The following SLITRK4 variants were observed in gnomAD, a reference collection of about 807,000 sequenced individuals.
SLITRK4 encodes the protein SLIT and NTRK-like protein 4.
A neutral mutation model predicts 34.7 loss-of-function variants in SLITRK4; 7 were observed. That is an observed-to-expected ratio of 0.20 (90% CI 0.11 to 0.38). The LOEUF is 0.38. SLITRK4 is among the 10% of genes least tolerant of loss of function. The pLI is 1.00. For missense variants in SLITRK4, 474 were observed against 607.0 expected (o/e 0.78, Z 2.30); for synonymous variants, 237 against 246.2 (o/e 0.96, Z 0.35).
Position 143,628,846 on chromosome X carries a change from A to T in SLITRK4, c.2263T>A (p.Ser755Thr). 1 of 1,211,211 alleles carries T rather than the reference A, an allele frequency of 8.3e-7. No homozygotes were observed. The highest frequency in any genetic ancestry group is 1.1e-6 in the Non-Finnish European group (1 of 895,182). ...AGAAAATTCTGAATAAACACATTGG[A>T]ATCCCTGCTAGGGAATAATTCATCC... ...ELDELFPSRD[S>T]NVFIQNFLES... Residue 755 changes from serine (S) to threonine (T), a missense_variant, in exon 2 of 2, where the codon TCC becomes ACC. Ser to Thr is a moderately conservative substitution (Grantham distance 58). Coordinates refer to ENST00000356928, the MANE Select transcript of SLITRK4 (RefSeq NM_001184749.3).
In SLITRK4 at chrX:143,627,335, G is replaced by A. The variant is rs1259349873; in HGVS notation, c.*1260C>T. On this transcript the variant is annotated 3_prime_UTR_variant, in exon 2 of 2. Transcript: ENST00000356928. ...TAGAATCCTGAAAAGCAAGACAACC[G>A]ATGGCAAATAACAACTGCCCCAGAC... 2 of 110,216 alleles carry A rather than the reference G, an allele frequency of 1.8e-5. No individual in the cohort carries two copies. The highest frequency in any genetic ancestry group is 3.8e-5 in the Non-Finnish European group (2 of 52,697). The allele number at this position is 110,216 out of a possible 1,213,427, so 9.1% of individuals were successfully genotyped here. A position where few individuals can be genotyped will look rare whatever the true frequency, so the allele number is the denominator to read the frequency against.
rs782758951 is a variant in SLITRK4 at position 143,631,007 on chromosome X, T to G, written c.102A>C (p.Ser34=). 1 of 1,210,576 alleles carries G rather than the reference T, an allele frequency of 8.3e-7. No homozygotes were observed. The highest frequency in any genetic ancestry group is 1.8e-5 in the South Asian group (1 of 56,428). ...VEICNVCSCV[S]VENVLYVNCE... Reference sequence around the variant, plus strand: ...AGTTGACATAGAGCACATTCTCAACTGACACGCAGGAACACACATTGCAAA... The same window carrying G: ...AGTTGACATAGAGCACATTCTCAACGGACACGCAGGAACACACATTGCAAA... The change falls in exon 2 of 2, where the codon TCA becomes TCC. Residue 34 remains serine, a synonymous_variant. Transcript: ENST00000356928.
rs1556425227 is a variant in SLITRK4 at position 143,625,174 on chromosome X, T to G, written c.*3421A>C. On this transcript the variant is annotated 3_prime_UTR_variant, in exon 2 of 2. Transcript: ENST00000356928. ...TGTATAATTTATGCATCCTTATGGC[T>G]TAAAGAAAAGTAAATGTTTAAAAAA... The G allele has an allele frequency of 9.0e-6, 1 of 111,271 alleles. No individual in the cohort carries two copies. Among genetic ancestry groups the G allele is most frequent in the African/African-American group, 3.2e-5 (1 of 30,794 alleles). 9.2% of individuals were successfully genotyped at this position (111,271 alleles called of 1,213,427 possible). A position where few individuals can be genotyped will look rare whatever the true frequency, so the allele number is the denominator to read the frequency against.
intron 1 of SLITRK4, among the ~76,000 whole-genome samples, chrX:143,634,080 G>A (rs1556430190): frequency 1.8e-5 from 2 of 112,407 alleles, no homozygotes; most frequent in Non-Finnish European, 3.8e-5. Context: ...GAGGAAGAGA[G>A]GCCAGATCAG....
Position 143,629,250 on chromosome X carries a change from A to G in SLITRK4, c.1859T>C (p.Leu620Ser), listed in dbSNP as rs1556426462. 1 of 1,212,117 alleles carries G rather than the reference A, an allele frequency of 8.3e-7. No homozygotes were observed. The highest frequency in any genetic ancestry group is 2.2e-5 in the Admixed American group (1 of 46,077). The change falls in exon 2 of 2, where the codon TTA becomes TCA. Residue 620 changes from leucine (L) to serine (S), a missense_variant. This residue lies in a region of SLITRK4 where 345 missense variants were observed against 406.5 expected (regional missense o/e 0.85). Transcript: ENST00000356928. ...PPGGPVPLSI[L>S]ILSILVVLIL... Reference sequence around the variant, plus strand: ...GAGGACCACTAAGATACTTAAGATTAAAATAGACAGAGGCACTGGCCCACC... The same window carrying G: ...GAGGACCACTAAGATACTTAAGATTGAAATAGACAGAGGCACTGGCCCACC...
intron 1 of SLITRK4, among the ~76,000 whole-genome samples, chrX:143,633,864 C>T (rs1416880121): frequency 8.9e-6 from 1 of 112,735 alleles, no homozygotes; most frequent in South Asian, 3.6e-4. Context: ...CATCCCTGTT[C>T]CCGGAGCCGG....
At position 143,627,767 on chromosome X, in the gene SLITRK4, C is replaced by T. The variant is rs1930843271; in HGVS notation, c.*828G>A. The T allele has an allele frequency of 9.0e-6, 1 of 111,478 alleles. No individual in the cohort carries two copies. Among genetic ancestry groups the T allele is most frequent in the African/African-American group, 3.3e-5 (1 of 30,566 alleles). The allele number at this position is 111,478 out of a possible 1,213,427, so 9.2% of individuals were successfully genotyped here. A position where few individuals can be genotyped will look rare whatever the true frequency, so the allele number is the denominator to read the frequency against. The stretch of plus-strand genomic sequence containing the variant: ...TAAGCACTCTGCTTATTTTGGACAA[C>T]CTTGAAGGATTGTGGGTGTTTCACG... On this transcript the variant is annotated 3_prime_UTR_variant, in exon 2 of 2. Transcript: ENST00000356928.
chrX:143,628,794 A>G lies in SLITRK4; in HGVS notation c.2315T>C (p.Ile772Thr). The G allele has an allele frequency of 1.7e-6, 2 of 1,210,729 alleles. No homozygotes were observed. Among genetic ancestry groups the G allele is most frequent in the East Asian group, 3.0e-5 (1 of 33,825 alleles). The change falls in exon 2 of 2, where the codon ATA (isoleucine) becomes ACA (threonine). Residue 772 changes from isoleucine (I) to threonine (T), a missense_variant. By Grantham distance (89) the Ile-to-Thr change is moderately conservative (BLOSUM62 -1). This residue lies in a region of SLITRK4 where 345 missense variants were observed against 406.5 expected (regional missense o/e 0.85). Transcript: ENST00000356928. The stretch of plus-strand genomic sequence containing the variant: ...GCGGATCTCAAAGCCACTGACACCT[A>G]TGCTATTATACTCCTTTTTGCTTTC... Reference protein sequence around the residue: ...FLESKKEYNSIGVSGFEIRYP... With the variant: ...FLESKKEYNSTGVSGFEIRYP...
rs1471520357 is a variant in SLITRK4, at chrX:143,623,207, T to C, written c.*5388A>G. On this transcript the variant is annotated 3_prime_UTR_variant, in exon 2 of 2. Coordinates refer to ENST00000356928, the MANE Select transcript of SLITRK4 (RefSeq NM_001184749.3). ...AGGTAATTTGTCATTTTTGATGTTA[T>C]TGAAATCACCAGAATTTCTATTTCT... 5.4e-5 allele frequency: 6 copies of C among 111,399 alleles called. No individual in the cohort carries two copies. The highest frequency in any genetic ancestry group is 9.6e-5 in the Admixed American group (1 of 10,401). 9.2% of individuals were successfully genotyped at this position (111,399 alleles called of 1,213,427 possible). A position where few individuals can be genotyped will look rare whatever the true frequency, so the allele number is the denominator to read the frequency against.
Position 143,630,944 on chromosome X carries a change from T to G in SLITRK4, c.165A>C (p.Lys55Asn). 8.3e-7 allele frequency: 1 copy of G among 1,208,189 alleles called. No homozygotes were observed. Among genetic ancestry groups the G allele is most frequent in the African/African-American group, 1.7e-5 (1 of 57,560 alleles). The stretch of plus-strand genomic sequence containing the variant: ...GGTGATAAAAATTAGACCAAGGTGG[T>G]TTCAGCTGATTTGGTCTGTAGACTG... Reference protein sequence around the residue: ...KVSVYRPNQLKPPWSNFYHLN... With the variant: ...KVSVYRPNQLNPPWSNFYHLN... The change falls in exon 2 of 2, where the codon AAA (lysine) becomes AAC (asparagine). Residue 55 changes from lysine to asparagine, a missense_variant. Transcript: ENST00000356928.
rs201657858 is a variant in SLITRK4 at position 143,628,168 on chromosome X, C to CAAA, written c.*424_*426dup. ...TTTACACGGAGTTGTTACAATGCCA[C>CAAA]AAATCAAAAGGATTATTCCAGTTCC... On this transcript the variant is annotated 3_prime_UTR_variant, in exon 2 of 2. Transcript: ENST00000356928. 0.096 allele frequency: 9,792 copies of CAAA among 101,965 alleles called. 178 individuals carry two copies. Among genetic ancestry groups the CAAA allele is most frequent in the Middle Eastern group, 0.29 (64 of 217 alleles). The allele number at this position is 101,965 out of a possible 1,213,427, so 8.4% of individuals were successfully genotyped here.
In SLITRK4 at chrX:143,630,291, C is replaced by T. The variant is rs1158231525; in HGVS notation, c.818G>A (p.Arg273His). The T allele has an allele frequency of 2.5e-6, 3 of 1,211,589 alleles. No individual in the cohort carries two copies. The highest frequency in any genetic ancestry group is 3.4e-6 in the Non-Finnish European group (3 of 895,452). The change falls in exon 2 of 2, where the codon CGC becomes CAC. Residue 273 changes from arginine to histidine, a missense_variant. Transcript: ENST00000356928. ...TTCCAGCTGAGATGGAGGCAGGATG[C>T]GCACGTCAAAATCACTGCCGGTGCC... ...PMGTGSDFDV[R>H]ILPPSQLENG...
Position 143,630,651 on chromosome X carries a change from T to G in SLITRK4, c.458A>C (p.Lys153Thr), listed in dbSNP as rs1334535964. ...IKYIERGAFN[K>T]LHKLKVLILN... ...AATGAGAACTTTCAGTTTGTGGAGC[T>G]TATTGAAGGCTCCTCGTTCAATATA... The change falls in exon 2 of 2, where the codon AAG (lysine) becomes ACG (threonine). Residue 153 changes from lysine (K) to threonine (T), a missense_variant. Lys to Thr is a moderately conservative substitution (Grantham distance 78). This residue lies in a region of SLITRK4 where 45 missense variants were observed against 99.2 expected (regional missense o/e 0.45). Coordinates refer to ENST00000356928, the MANE Select transcript of SLITRK4 (RefSeq NM_001184749.3). The G allele has an allele frequency of 8.3e-7, 1 of 1,209,129 alleles. No homozygotes were observed. The highest frequency in any genetic ancestry group is 1.1e-6 in the Non-Finnish European group (1 of 894,463).
At position 143,628,094 on chromosome X, in the gene SLITRK4, T is replaced by TTTTTA. The variant is rs1930863438; in HGVS notation, c.*500_*501insTAAAA. 1 of 94,066 alleles carries TTTTTA rather than the reference T, an allele frequency of 1.1e-5. No homozygotes were observed. The highest frequency in any genetic ancestry group is 1.8e-5 in the Non-Finnish European group (1 of 55,254). 7.8% of individuals were successfully genotyped at this position (94,066 alleles called of 1,213,427 possible). Reference sequence around the variant, plus strand: ...TCGAGTGTTCTCTCTTTGCATGCTTTTTTTTTTTTTTTTTTTTTTTTTTTT... The same window carrying TTTTTA: ...TCGAGTGTTCTCTCTTTGCATGCTTTTTTTATTTTTTTTTTTTTTTTTTTTTTTTT... On this transcript the variant is annotated 3_prime_UTR_variant, in exon 2 of 2. Coordinates refer to ENST00000356928, the MANE Select transcript of SLITRK4 (RefSeq NM_001184749.3).
rs1930780350 is a variant in SLITRK4 at position 143,626,188 on chromosome X, C to G, written c.*2407G>C. ...CTAAACTAAAACACTTTCTTTGAAG[C>G]CTTTGCATCTTTATCCTGTCAGTAT... On this transcript the variant is annotated 3_prime_UTR_variant, in exon 2 of 2. Coordinates refer to ENST00000356928, the MANE Select transcript of SLITRK4 (RefSeq NM_001184749.3). 9.0e-6 allele frequency: 1 copy of G among 111,371 alleles called. No individual in the cohort carries two copies. The highest frequency in any genetic ancestry group is 3.3e-5 in the African/African-American group (1 of 30,733). The allele number at this position is 111,371 out of a possible 1,213,427, so 9.2% of individuals were successfully genotyped here.
intron 1 of SLITRK4, 39 bp from the exon 2 acceptor site, chrX:143,631,197 A>T: frequency 6.5e-6 from 5 of 767,966 alleles, no homozygotes. Context: ...AATGGTCATT[A>T]CTTGAAAAAT....
intron 1 of SLITRK4, among the ~76,000 whole-genome samples, chrX:143,633,227 G>T (rs1931106123): frequency 9.1e-6 from 1 of 109,762 alleles, no homozygotes; most frequent in Non-Finnish European, 1.9e-5. Context: ...GAGAGAAAGA[G>T]TCCAGTTGGT....
chrX:143,624,230 G>T lies in SLITRK4; in HGVS notation c.*4365C>A, dbSNP rs782595744. ...CCACAACAGTAATAATTTGGGTAAA[G>T]TCATGGATTGATAATTTTGGTCATC... is the stretch of plus-strand genomic sequence containing the variant. On this transcript the variant is annotated 3_prime_UTR_variant, in exon 2 of 2. Coordinates refer to ENST00000356928, the MANE Select transcript of SLITRK4 (RefSeq NM_001184749.3). 8.9e-6 allele frequency: 1 copy of T among 111,755 alleles called. No individual in the cohort carries two copies. Among genetic ancestry groups the T allele is most frequent in the East Asian group, 2.8e-4 (1 of 3,555 alleles). 9.2% of individuals were successfully genotyped at this position (111,755 alleles called of 1,213,427 possible).
chrX:143,633,449 C>T (rs1602936126), intron 1 of SLITRK4, among the ~76,000 whole-genome samples: 1 of 110,851 alleles, frequency 9.0e-6, no homozygotes, highest in South Asian at 4.0e-4. Flanking sequence ...AAAAAGCCCA[C>T]AAAGTACCAG....
Sources: allele counts gnomAD v4.1 joint callset (sites outside exome capture counted in the v4.1 genomes callset), GRCh38; gene constraint gnomAD v4.1.1; regional missense constraint gnomAD v4.1.1; transcripts MANE v1.5; gene names NCBI Gene and HGNC (gene_info 2026-07-23, HGNC 2026-07-21).